NRXN1: variants seen among roughly 807,000 people sequenced by gnomAD.
The protein encoded by NRXN1 is neurexin-1.
A neutral mutation model predicts 150.9 loss-of-function variants in NRXN1; 39 were observed. That is an observed-to-expected ratio of 0.26 (90% CI 0.20 to 0.34). The LOEUF (loss-of-function observed/expected upper bound fraction) is 0.34. NRXN1 is among the 10% of genes least tolerant of loss of function. The probability of loss-of-function intolerance (pLI) is 1.00; values close to 1 mark genes in which losing one functional copy is unlikely to be tolerated. For missense variants in NRXN1, 1,815 were observed against 1,949.9 expected, an observed-to-expected ratio of 0.93 and a Z score of 1.30; for synonymous variants, 924 against 757.0, an observed-to-expected ratio of 1.22 and a Z score of -3.62.
intron 5 of NRXN1, among the ~76,000 whole-genome samples, chr2:50,778,125 A>C (rs1703890368): frequency 6.6e-6 from 1 of 152,122 alleles, no homozygotes; most frequent in African/African-American, 2.4e-5. Context: ...TAAACTCCTC[A>C]GACACTTTTA....
In NRXN1 at chr2:49,943,551, A is replaced by C. The variant is rs185988540; in HGVS notation, c.4216+153T>G. The stretch of plus-strand genomic sequence containing the variant: ...TTAATTTTTTCAATAAATGTGGAAA[A>C]ATTTATGTAAAAAATAAGAGTCCTC... On this transcript the variant is annotated intron_variant, in intron 22 of 22. Coordinates refer to ENST00000401669, the MANE Select transcript of NRXN1 (RefSeq NM_001330078.2). Among the ~76,000 whole-genome samples the C allele has an allele frequency of 1.4e-3, 209 of 152,288 alleles. 1 individual carries two copies. The highest frequency in any genetic ancestry group is 1.3e-3 in the Non-Finnish European group (90 of 68,020).
chr2:50,015,377 G>A (rs937494642), intron 21 of NRXN1, among the ~76,000 whole-genome samples: 2 of 151,958 alleles, frequency 1.3e-5, no homozygotes, highest in African/African-American at 4.8e-5. Flanking sequence ...CATATAGTGA[G>A]ACCTCCTAAG....
At chr2:50,911,839 A>G (rs1684568697) in intron 5 of NRXN1, among the ~76,000 whole-genome samples, 1 of 151,902 alleles carries the variant, frequency 6.6e-6, no homozygotes, top group Admixed American at 6.6e-5. Context: ...ACTCTACACA[A>G]TGAAAATTTT....
intron 5 of NRXN1, among the ~76,000 whole-genome samples, chr2:50,785,947 G>A (rs1267679142): frequency 6.6e-6 from 1 of 151,912 alleles, no homozygotes; most frequent in Non-Finnish European, 1.5e-5. Flanking sequence ...TGTTTGCCTT[G>A]CTTGCCAATG....
rs113359957 is a variant in NRXN1, at chr2:50,165,801, T to G, written c.3546+70988A>C. On this transcript the variant is annotated intron_variant, in intron 18 of 22. Transcript: ENST00000401669. Reference sequence around the variant, plus strand: ...TCAAATGATTACACTATGCAAACAATGATATTATTACTTAACCTATATATT... The same window carrying G: ...TCAAATGATTACACTATGCAAACAAGGATATTATTACTTAACCTATATATT... Among the ~76,000 whole-genome samples the G allele has an allele frequency of 1.5e-4, 22 of 150,220 alleles. 1 individual carries two copies. The highest frequency in any genetic ancestry group is 5.5e-4 in the African/African-American group (22 of 39,670).
intron 8 of NRXN1, among the ~76,000 whole-genome samples, chr2:50,555,579 A>G (rs1289599032): frequency 6.6e-6 from 1 of 152,212 alleles, no homozygotes; most frequent in African/African-American, 2.4e-5. Context: ...CTTGCTCACC[A>G]CAGCGCAGCA....
intron 5 of NRXN1, among the ~76,000 whole-genome samples, chr2:50,806,000 AC>A (rs1319238601): frequency 6.6e-6 from 1 of 152,208 alleles, no homozygotes; most frequent in African/African-American, 2.4e-5. Flanking sequence ...TCCTTTAAGT[AC>A]GCAAAAATGA....
At chr2:50,715,808 G>T (rs184369815) in intron 5 of NRXN1, among the ~76,000 whole-genome samples, 1 of 152,212 alleles carries the variant, frequency 6.6e-6, no homozygotes, top group East Asian at 1.9e-4. Flanking sequence ...CTGATTATTA[G>T]TTTCCATATA....
At chr2:50,428,457 A>G (rs943413306) in intron 17 of NRXN1, among the ~76,000 whole-genome samples, 2 of 152,204 alleles carry the variant, frequency 1.3e-5, no homozygotes, top group African/African-American at 4.8e-5. Context: ...TATGGTACAC[A>G]TTTTCATTGA....
At chr2:50,117,997 C>T (rs75946685) in intron 18 of NRXN1, among the ~76,000 whole-genome samples, 1,631 of 152,116 alleles carry the variant, frequency 0.011, 36 homozygotes, top group African/African-American at 0.038. Flanking sequence ...TAAATAAAGA[C>T]CTAGGTTTTC....
chr2:50,171,186 C>G (rs2060008789), intron 18 of NRXN1, among the ~76,000 whole-genome samples: 1 of 151,096 alleles, frequency 6.6e-6, no homozygotes, highest in African/African-American at 2.4e-5. Context: ...AGAAGAAACT[C>G]TATGTATAAG....
intron 18 of NRXN1, among the ~76,000 whole-genome samples, chr2:50,162,721 C>T (rs2059435875): frequency 6.6e-6 from 1 of 151,968 alleles, no homozygotes; most frequent in Non-Finnish European, 1.5e-5. Flanking sequence ...AAAAATTAAT[C>T]CAGTAGCAAT....
chr2:50,690,671 T>C (rs1196181910), intron 5 of NRXN1, among the ~76,000 whole-genome samples: 1 of 152,196 alleles, frequency 6.6e-6, no homozygotes, highest in Non-Finnish European at 1.5e-5. Context: ...ATAGTACATA[T>C]CTGTACTGAA....
intron 19 of NRXN1, among the ~76,000 whole-genome samples, chr2:50,087,483 A>G (rs1291829382): frequency 6.6e-6 from 1 of 152,108 alleles, no homozygotes; most frequent in Non-Finnish European, 1.5e-5. Context: ...GGCTTTGTGA[A>G]TTAATGTTAT....
chr2:50,090,514 T>C (rs1000288267), intron 19 of NRXN1, among the ~76,000 whole-genome samples: 3 of 152,224 alleles, frequency 2.0e-5, no homozygotes, highest in African/African-American at 7.2e-5. Flanking sequence ...TGCAGTAAAA[T>C]ATCTTTATAC....
intron 3 of NRXN1, among the ~76,000 whole-genome samples, chr2:50,925,379 C>A (rs1426047659): frequency 6.6e-6 from 1 of 151,726 alleles, no homozygotes; most frequent in Non-Finnish European, 1.5e-5. Flanking sequence ...AATATACTTA[C>A]CAGGAATCAT....
chr2:50,769,339 C>A (rs1406164849), intron 5 of NRXN1, among the ~76,000 whole-genome samples: 3 of 152,086 alleles, frequency 2.0e-5, no homozygotes. Context: ...TAATCTCCAG[C>A]AAAGAAACCT....
chr2:50,939,742 C>A (rs192532387), intron 2 of NRXN1, among the ~76,000 whole-genome samples: 1 of 152,260 alleles, frequency 6.6e-6, no homozygotes, highest in Non-Finnish European at 1.5e-5. Context: ...TTCAAAATAA[C>A]CACATCAATT....
chr2:50,348,540 C>T (rs911875075), intron 17 of NRXN1, among the ~76,000 whole-genome samples: 8 of 152,158 alleles, frequency 5.3e-5, no homozygotes, highest in Non-Finnish European at 1.2e-4. Flanking sequence ...CTCATCCTGT[C>T]TTATAAAGAA....
Sources: gnomAD v4.1 joint callset for allele counts (sites outside exome capture counted in the v4.1 genomes callset) on GRCh38, gnomAD v4.1.1 for gene constraint, MANE v1.5 for transcripts, NCBI Gene and HGNC (gene_info 2026-07-23, HGNC 2026-07-21) for gene names.